Variants in GAB2 observed in about 807,000 individuals in gnomAD.
GAB2 encodes GRB2 associated binding protein 2.
A neutral mutation model predicts 65.5 loss-of-function variants in GAB2; 26 were observed. That is an observed-to-expected ratio of 0.40 (90% CI 0.29 to 0.55). GAB2 has a LOEUF of 0.55. GAB2 is among the 20% of genes least tolerant of loss of function. The pLI is 0.53. For missense variants in GAB2, 884 were observed against 875.8 expected (o/e 1.01, Z -0.12); for synonymous variants, 321 against 329.6 (o/e 0.97, Z 0.28).
chr11:78,312,508 C>G (rs1431632933), intron 1 of GAB2, among the ~76,000 whole-genome samples: 2 of 152,238 alleles, frequency 1.3e-5, no homozygotes, highest in Admixed American at 1.3e-4. Context: ...TCAGTGCAAC[C>G]TCCACCTCGC....
chr11:78,354,953 G>C (rs73500957), intron 1 of GAB2, among the ~76,000 whole-genome samples: 9 of 152,186 alleles, frequency 5.9e-5, no homozygotes, highest in African/African-American at 2.2e-4. Context: ...CCCAGTTGAG[G>C]AGAGAAGAAA....
rs571104842 is a variant in GAB2, at chr11:78,394,831, G to A, written c.75+22815C>T. Among the ~76,000 whole-genome samples, 2 of 152,330 alleles carry A rather than the reference G, an allele frequency of 1.3e-5. 1 individual carries two copies. The highest frequency in any genetic ancestry group is 4.1e-4 in the South Asian group (2 of 4,828). ...AGAAGAGTGAGGATGTCCTGAAAGAGACGAAAAGAACTAAATACCAGTTTC... is the reference window on the plus strand; with the variant it reads ...AGAAGAGTGAGGATGTCCTGAAAGAAACGAAAAGAACTAAATACCAGTTTC... On this transcript the variant is annotated intron_variant, in intron 1 of 9. Coordinates refer to ENST00000361507, the MANE Select transcript of GAB2 (RefSeq NM_080491.3).
intron 1 of GAB2, among the ~76,000 whole-genome samples, chr11:78,408,159 C>G (rs1387039328): frequency 6.6e-6 from 1 of 152,050 alleles, no homozygotes; most frequent in African/African-American, 2.4e-5. Flanking sequence ...TCTGAGTTTT[C>G]TAAATTAGGT....
chr11:78,346,722 A>ATATATATATATTTT (rs1565168352), intron 1 of GAB2, among the ~76,000 whole-genome samples: 1 of 30,794 alleles, frequency 3.2e-5, no homozygotes, highest in African/African-American at 1.6e-4. Flanking sequence ...TATATATATA[A>ATATATATATATTTT]TTTTTTTTTT....
At position 78,219,006 on chromosome 11, in the gene GAB2, AAGT is replaced by A; in HGVS notation, c.*263_*265del. The A allele has an allele frequency of 2.3e-6, 1 of 438,130 alleles. No homozygotes were observed. Among genetic ancestry groups the A allele is most frequent in the South Asian group, 3.7e-5 (1 of 27,158 alleles). 27.1% of individuals were successfully genotyped at this position (438,130 alleles called of 1,614,324 possible). On this transcript the variant is annotated 3_prime_UTR_variant, in exon 10 of 10. Transcript: ENST00000361507. ...GAAGAGGCTGAAGGATGCTTTTTGGAAGTAGCTCCTAACTAAGGTGGGTGGAGG... is the reference window on the plus strand; with the variant it reads ...GAAGAGGCTGAAGGATGCTTTTTGGAAGCTCCTAACTAAGGTGGGTGGAGG...
At chr11:78,343,758 T>G (rs896086335) in intron 1 of GAB2, among the ~76,000 whole-genome samples, 2 of 152,190 alleles carry the variant, frequency 1.3e-5, no homozygotes, top group Admixed American at 6.5e-5. Context: ...GAAATTAATT[T>G]TAATATATTT....
At chr11:78,289,257 A>G (rs950660066) in intron 1 of GAB2, among the ~76,000 whole-genome samples, 7 of 152,238 alleles carry the variant, frequency 4.6e-5, no homozygotes, top group Admixed American at 6.5e-5. Flanking sequence ...AATATAAAAA[A>G]GAAAAGAAAA....
At chr11:78,390,699 T>C (rs1039372173) in intron 1 of GAB2, among the ~76,000 whole-genome samples, 4 of 152,234 alleles carry the variant, frequency 2.6e-5, no homozygotes, top group African/African-American at 9.7e-5. Flanking sequence ...AATGGGTTCA[T>C]GCACATCACT....
rs138790128 is a variant in GAB2 at position 78,300,516 on chromosome 11, T to TAAAAAAAAAA, written c.76-19616_76-19615insTTTTTTTTTT. On this transcript the variant is annotated intron_variant, in intron 1 of 9. Transcript: ENST00000361507. ...CATAGTAAGTCTACGTTTAATTTTATAAAAAAACAAAAAAACAAAAAACTA... is the reference window on the plus strand; with the variant it reads ...CATAGTAAGTCTACGTTTAATTTTATAAAAAAAAAAAAAAAAACAAAAAAACAAAAAACTA... Among the ~76,000 whole-genome samples, 834 of 142,506 alleles carry TAAAAAAAAAA rather than the reference T, an allele frequency of 5.9e-3. 5 individuals are homozygous for TAAAAAAAAAA. Among genetic ancestry groups the TAAAAAAAAAA allele is most frequent in the African/African-American group, 0.019 (707 of 38,178 alleles). 93.5% of individuals were successfully genotyped at this position (142,506 alleles called of 152,430 possible). A position where few individuals can be genotyped will look rare whatever the true frequency, so the allele number is the denominator to read the frequency against.
intron 1 of GAB2, among the ~76,000 whole-genome samples, chr11:78,334,988 T>C (rs1033212346): frequency 1.3e-5 from 2 of 152,262 alleles, no homozygotes; most frequent in Non-Finnish European, 2.9e-5. Flanking sequence ...GTATCTCTGA[T>C]GATCAATGAT....
chr11:78,236,185 T>G (rs1313580010), intron 3 of GAB2, among the ~76,000 whole-genome samples: 6 of 152,282 alleles, frequency 3.9e-5, no homozygotes, highest in Non-Finnish European at 5.9e-5. Flanking sequence ...TTCCCAAGTA[T>G]TCCACGTTTT....
rs1864139103 is a variant in GAB2, at chr11:78,216,221, C to T, written c.*3051G>A. 1 of 152,452 alleles carries T rather than the reference C, an allele frequency of 6.6e-6. No homozygotes were observed. Among genetic ancestry groups the T allele is most frequent in the Non-Finnish European group, 1.5e-5 (1 of 68,102 alleles). 9.4% of individuals were successfully genotyped at this position (152,452 alleles called of 1,614,324 possible). A position where few individuals can be genotyped will look rare whatever the true frequency, so the allele number is the denominator to read the frequency against. Reference sequence around the variant, plus strand: ...CCTATTTCTCATCGTTCTCACTTGACTTAACCTTGCAGAAGTGGAGCTGGA... The same window carrying T: ...CCTATTTCTCATCGTTCTCACTTGATTTAACCTTGCAGAAGTGGAGCTGGA... On this transcript the variant is annotated 3_prime_UTR_variant, in exon 10 of 10. Transcript: ENST00000361507.
chr11:78,254,520 C>A (rs1865542624), intron 2 of GAB2, among the ~76,000 whole-genome samples: 1 of 152,186 alleles, frequency 6.6e-6, no homozygotes, highest in Non-Finnish European at 1.5e-5. Flanking sequence ...TATAGCTTAG[C>A]TGGGTGCAAT....
At chr11:78,259,529 G>C (rs1403434589) in intron 2 of GAB2, among the ~76,000 whole-genome samples, 1 of 152,176 alleles carries the variant, frequency 6.6e-6, no homozygotes, top group Non-Finnish European at 1.5e-5. Context: ...CAAAGCTCCA[G>C]GTCACTTTTC....
chr11:78,316,033 ACTCCCC>A (rs1202398624), intron 1 of GAB2, among the ~76,000 whole-genome samples: 1 of 150,402 alleles, frequency 6.6e-6, no homozygotes, highest in Non-Finnish European at 1.5e-5. Context: ...CCTTCTCCCC[ACTCCCC>A]CTCCCCCTGC....
chr11:78,394,468 C>T (rs1263644406), intron 1 of GAB2, among the ~76,000 whole-genome samples: 2 of 152,142 alleles, frequency 1.3e-5, no homozygotes, highest in Admixed American at 6.5e-5. Context: ...CTCTCCCTAC[C>T]CCACGGTGGG....
chr11:78,253,731 T>C (rs1309475172), intron 2 of GAB2, among the ~76,000 whole-genome samples: 2 of 152,242 alleles, frequency 1.3e-5, no homozygotes, highest in African/African-American at 4.8e-5. Context: ...AACACAGTGA[T>C]GGCAGAGATT....
chr11:78,345,808 C>T (rs143499133), intron 1 of GAB2, among the ~76,000 whole-genome samples: 2 of 152,244 alleles, frequency 1.3e-5, no homozygotes, highest in East Asian at 1.9e-4. Flanking sequence ...CTGGAAGGCA[C>T]GGTAACCAGA....
At chr11:78,238,364 C>CA (rs1482562673) in intron 3 of GAB2, among the ~76,000 whole-genome samples, 1 of 151,570 alleles carries the variant, frequency 6.6e-6, no homozygotes, top group Non-Finnish European at 1.5e-5. Flanking sequence ...AGTATGGTGG[C>CA]ATATGCCTGT....
Sources: gnomAD v4.1 joint callset for allele counts (sites outside exome capture counted in the v4.1 genomes callset) on GRCh38, gnomAD v4.1.1 for gene constraint, MANE v1.5 for transcripts, NCBI Gene and HGNC (gene_info 2026-07-23, HGNC 2026-07-21) for gene names.